The following NRXN1 variants were observed in gnomAD, a reference collection of about 807,000 sequenced individuals.
NRXN1 encodes the protein neurexin 1, also known as neurexin-1.
Under a neutral mutation model 150.9 loss-of-function variants are expected in NRXN1, and 39 were observed. The observed-to-expected ratio is 0.26, with a 90% CI of 0.20 to 0.34. The LOEUF (loss-of-function observed/expected upper bound fraction) is 0.34. Among genes scored for constraint, NRXN1 ranks in the 10% least tolerant of loss-of-function variants. The pLI, the probability that NRXN1 is intolerant of heterozygous loss-of-function variation, is 1.00. For synonymous variants in NRXN1, 924 were observed against 757.0 expected, an observed-to-expected ratio of 1.22 and a Z score of -3.62; for missense variants, 1,815 against 1,949.9, an observed-to-expected ratio of 0.93 and a Z score of 1.30.
chr2:50,520,492 C>T (rs1190819986), intron 12 of NRXN1, among the ~76,000 whole-genome samples: 1 of 151,706 alleles, frequency 6.6e-6, no homozygotes, highest in Admixed American at 6.6e-5. Flanking sequence ...ACCTCAATCT[C>T]ACCAGCAGAT....
chr2:50,142,535 G>A (rs185489616), intron 18 of NRXN1, among the ~76,000 whole-genome samples: 14 of 151,660 alleles, frequency 9.2e-5, no homozygotes, highest in East Asian at 3.9e-4. Context: ...TGACTTGATC[G>A]TTACACATTC....
chr2:50,980,036 C>T (rs1318224788), intron 2 of NRXN1, among the ~76,000 whole-genome samples: 1 of 152,018 alleles, frequency 6.6e-6, no homozygotes, highest in Non-Finnish European at 1.5e-5. Flanking sequence ...AACCACAAAC[C>T]GTGTTTAACC....
chr2:50,533,815 C>G (rs2093181825), intron 10 of NRXN1, among the ~76,000 whole-genome samples: 1 of 152,106 alleles, frequency 6.6e-6, no homozygotes, highest in South Asian at 2.1e-4. Flanking sequence ...TGTTTCACCC[C>G]AGATCTTTAA....
chr2:50,988,917 C>T (rs574480612), intron 2 of NRXN1, among the ~76,000 whole-genome samples: 2 of 152,062 alleles, frequency 1.3e-5, no homozygotes, highest in South Asian at 4.1e-4. Flanking sequence ...TCACGGACTC[C>T]TGCCTTTACC....
At chr2:50,536,590 T>C (rs1017981961) in intron 10 of NRXN1, among the ~76,000 whole-genome samples, 3 of 152,190 alleles carry the variant, frequency 2.0e-5, no homozygotes, top group South Asian at 4.1e-4. Context: ...AGTTGAGTTA[T>C]ACCCTTTTTT....
At chr2:50,113,251 C>G (rs75715693) in intron 18 of NRXN1, among the ~76,000 whole-genome samples, 39 of 152,310 alleles carry the variant, frequency 2.6e-4, no homozygotes, top group Non-Finnish European at 5.0e-4. Context: ...ATTTCTTCCT[C>G]TCCTGATTTT....
chr2:50,505,269 G>A (rs975923722), intron 13 of NRXN1, among the ~76,000 whole-genome samples: 13 of 152,122 alleles, frequency 8.5e-5, no homozygotes, highest in East Asian at 7.7e-4. Flanking sequence ...CTCAGATCTC[G>A]TAACACATTC....
Position 50,551,057 on chromosome 2 carries a change from GAA to G in NRXN1, c.1759+1528_1759+1529del, listed in dbSNP as rs1667419789. Among the ~76,000 whole-genome samples, 15 of 121,484 alleles carry G rather than the reference GAA, an allele frequency of 1.2e-4. No homozygotes were observed. In the South Asian group the frequency reaches 1.3e-3, roughly 10 times the overall value. 79.7% of individuals were successfully genotyped at this position (121,484 alleles called of 152,430 possible). A position where few individuals can be genotyped will look rare whatever the true frequency, so the allele number is the denominator to read the frequency against. On this transcript the variant is annotated intron_variant, in intron 9 of 22. Transcript: ENST00000401669. Reference sequence around the variant, plus strand: ...GGAAGAGGAAGAGGAAGAGGAAGAAGAAGAAGAAGAAGAAGAAGAGGAGGAGG... The same window carrying G: ...GGAAGAGGAAGAGGAAGAGGAAGAAGGAAGAAGAAGAAGAAGAGGAGGAGG...
chr2:50,161,146 A>G (rs2602003), intron 18 of NRXN1, among the ~76,000 whole-genome samples: 127,475 of 152,162 alleles, frequency 0.84, 53,775 homozygotes, highest in African/African-American at 0.94. Context: ...TAGTACTTCA[A>G]TGGTACTTTA....
chr2:50,165,537 C>G (rs568235602), intron 18 of NRXN1, among the ~76,000 whole-genome samples: 1 of 151,966 alleles, frequency 6.6e-6, no homozygotes, highest in Non-Finnish European at 1.5e-5. Context: ...TTAGTAGAAA[C>G]GAGGTTTCAG....
chr2:50,551,470 G>A (rs1667530433), intron 9 of NRXN1: 1 of 152,282 alleles, frequency 6.6e-6, no homozygotes, highest in Non-Finnish European at 1.5e-5. Flanking sequence ...GGGAGCCCAT[G>A]CAAGGAGGGT....
chr2:50,854,999 C>T (rs1408948248), intron 5 of NRXN1, among the ~76,000 whole-genome samples: 3 of 151,858 alleles, frequency 2.0e-5, no homozygotes, highest in Non-Finnish European at 2.9e-5. Context: ...GCCTGAAAAC[C>T]TGTGTTTTGA....
At chr2:50,971,511 A>C (rs1323393426) in intron 2 of NRXN1, among the ~76,000 whole-genome samples, 1 of 152,144 alleles carries the variant, frequency 6.6e-6, no homozygotes, top group African/African-American at 2.4e-5. Context: ...TGAACCCAGG[A>C]GGAGGAGGTT....
intron 21 of NRXN1, among the ~76,000 whole-genome samples, chr2:49,959,085 TA>T (rs1675472002): frequency 2.0e-5 from 3 of 152,218 alleles, no homozygotes; most frequent in African/African-American, 7.2e-5. Context: ...CGAATCTCAG[TA>T]ATATTTTCAC....
intron 21 of NRXN1, among the ~76,000 whole-genome samples, chr2:50,002,084 T>C (rs914516603): frequency 2.0e-5 from 3 of 151,950 alleles, no homozygotes; most frequent in Non-Finnish European, 2.9e-5. Context: ...CCCTGAGCTC[T>C]AGAAAGGAAT....
chr2:50,742,652 A>T (rs1699569437), intron 5 of NRXN1, among the ~76,000 whole-genome samples: 1 of 151,900 alleles, frequency 6.6e-6, no homozygotes, highest in South Asian at 2.1e-4. Context: ...CTATATGATT[A>T]TAGGCAAATT....
At chr2:50,409,441 C>T (rs1358836514) in intron 17 of NRXN1, among the ~76,000 whole-genome samples, 1 of 152,216 alleles carries the variant, frequency 6.6e-6, no homozygotes, top group African/African-American at 2.4e-5. Flanking sequence ...TGTTTTTAGG[C>T]AGTGCCCTAG....
chr2:50,823,664 T>C (rs924137258), intron 5 of NRXN1, among the ~76,000 whole-genome samples: 4 of 152,198 alleles, frequency 2.6e-5, no homozygotes, highest in African/African-American at 7.2e-5. Context: ...AATTGTTTTC[T>C]ATGCTTCTAG....
In NRXN1 at chr2:51,027,746, C is replaced by A. The variant is rs1449074494; in HGVS notation, c.528G>T (p.Glu176Asp). The part of the protein sequence containing the change: ...ALKLTLASVR[E>D]REPFKGWIRD... ...GAATCCACCCCTTGAAGGGCTCCCG[C>A]TCCCTCACCGAGGCCAGGGTGAGCT... Residue 176 changes from glutamate to aspartate, a missense_variant, in exon 2 of 23, where the codon GAG becomes GAT. Physicochemically the swap from Glu to Asp is conservative, Grantham distance 45. Transcript: ENST00000401669. 2 of 1,612,094 alleles carry A rather than the reference C, an allele frequency of 1.2e-6. No individual in the cohort carries two copies. Among genetic ancestry groups the A allele is most frequent in the Non-Finnish European group, 1.7e-6 (2 of 1,179,134 alleles).
Sources: gnomAD v4.1 joint callset for allele counts (sites outside exome capture counted in the v4.1 genomes callset) on GRCh38, gnomAD v4.1.1 for gene constraint, MANE v1.5 for transcripts, NCBI Gene and HGNC (gene_info 2026-07-23, HGNC 2026-07-21) for gene names.